Variants in ZBTB7C observed in about 807,000 individuals in gnomAD.
ZBTB7C encodes zinc finger and BTB domain-containing protein 7C.
Under a neutral mutation model 25.7 loss-of-function variants are expected in ZBTB7C, and 8 were observed. The ratio of observed to expected loss-of-function variants is 0.31; its 90% CI spans 0.18 to 0.56. The LOEUF (loss-of-function observed/expected upper bound fraction) is 0.56, where lower values mean the gene tolerates loss of function less well. Among genes scored for constraint, ZBTB7C ranks in the 20% least tolerant of loss-of-function variants. ZBTB7C has a pLI of 0.91. For synonymous variants in ZBTB7C, 394 were observed against 369.0 expected (o/e 1.07, Z -0.78); for missense variants, 824 against 855.2 (o/e 0.96, Z 0.46).
intron 2 of ZBTB7C, among the ~76,000 whole-genome samples, chr18:48,319,777 T>C (rs1370786710): frequency 6.6e-6 from 1 of 152,024 alleles, no homozygotes; most frequent in Non-Finnish European, 1.5e-5. Context: ...ATTACATTAA[T>C]AAAAACAACC....
intron 2 of ZBTB7C, among the ~76,000 whole-genome samples, chr18:48,239,858 C>T (rs1308799718): frequency 6.6e-6 from 1 of 151,982 alleles, no homozygotes; most frequent in African/African-American, 2.4e-5. Context: ...GGATCCAAAC[C>T]AAGAAGAAAT....
At chr18:48,223,489 G>T (rs1021977750) in intron 2 of ZBTB7C, among the ~76,000 whole-genome samples, 2 of 152,182 alleles carry the variant, frequency 1.3e-5, no homozygotes, top group Non-Finnish European at 2.9e-5. Flanking sequence ...GGTTGCAAAG[G>T]GGGAAGCTTA....
At chr18:48,279,966 G>A (rs1267446804) in intron 2 of ZBTB7C, among the ~76,000 whole-genome samples, 1 of 152,192 alleles carries the variant, frequency 6.6e-6, no homozygotes, top group Non-Finnish European at 1.5e-5. Context: ...AAATAGGTAG[G>A]ATGCAAAAGA....
rs542406786 is a variant in ZBTB7C at position 48,053,251 on chromosome 18, G to A, written c.-16-12128C>T. ...AATGGGCATGGAGTTGGGAGCGGCC[G>A]CTTCTGCAGAATGTGCACAGATTCA... On this transcript the variant is annotated intron_variant, in intron 3 of 4. Transcript: ENST00000590800. Among the ~76,000 whole-genome samples, 5 of 152,270 alleles carry A rather than the reference G, an allele frequency of 3.3e-5. No homozygotes were observed. In the South Asian group the frequency reaches 1.0e-3, roughly 32 times the overall value.
chr18:48,045,178 G>A (rs2036419377), intron 3 of ZBTB7C, among the ~76,000 whole-genome samples: 1 of 152,256 alleles, frequency 6.6e-6, no homozygotes, highest in African/African-American at 2.4e-5. Context: ...GCAGGCAAGG[G>A]CCGGCAGGGC....
At chr18:48,165,010 A>G in intron 3 of ZBTB7C, 1 of 1,188,566 alleles carries the variant, frequency 8.4e-7, no homozygotes, top group South Asian at 1.6e-5. Flanking sequence ...TTCTTAGGAA[A>G]TCTTAAGCCA....
At chr18:48,200,406 T>G (rs1458348286) in intron 2 of ZBTB7C, among the ~76,000 whole-genome samples, 1 of 151,826 alleles carries the variant, frequency 6.6e-6, no homozygotes, top group Non-Finnish European at 1.5e-5. Flanking sequence ...GGAGGGCAAA[T>G]CTAACCCCTA....
intron 3 of ZBTB7C, among the ~76,000 whole-genome samples, chr18:48,118,249 G>A (rs888895852): frequency 5.3e-5 from 8 of 151,816 alleles, no homozygotes; most frequent in South Asian, 2.1e-4. Flanking sequence ...CAAGTGATCC[G>A]CCTGCCTCAG....
chr18:48,037,493 G>A (rs2036024744), intron 4 of ZBTB7C, among the ~76,000 whole-genome samples: 1 of 152,260 alleles, frequency 6.6e-6, no homozygotes, highest in Non-Finnish European at 1.5e-5. Flanking sequence ...TCCAGAGGGT[G>A]AGAAGTCTGT....
chr18:48,296,591 G>C (rs934964958), intron 2 of ZBTB7C, among the ~76,000 whole-genome samples: 2 of 152,200 alleles, frequency 1.3e-5, no homozygotes, highest in Non-Finnish European at 2.9e-5. Context: ...AGGCCACATA[G>C]TGAAAAGAAG....
intron 2 of ZBTB7C, among the ~76,000 whole-genome samples, chr18:48,271,996 T>C (rs949554953): frequency 1.3e-5 from 2 of 152,320 alleles, no homozygotes; most frequent in East Asian, 1.9e-4. Context: ...AGTGTAATAA[T>C]TGGAAACAAA....
chr18:48,319,003 G>T (rs1453584715), intron 2 of ZBTB7C, among the ~76,000 whole-genome samples: 2 of 152,220 alleles, frequency 1.3e-5, no homozygotes, highest in Non-Finnish European at 2.9e-5. Context: ...TGGACAGAGG[G>T]CTATGGGAGA....
chr18:48,219,651 G>A (rs2042905121), intron 2 of ZBTB7C, among the ~76,000 whole-genome samples: 1 of 152,222 alleles, frequency 6.6e-6, no homozygotes, highest in Admixed American at 6.5e-5. Context: ...AAGGGGTAAT[G>A]CCTTCATTTG....
chr18:48,121,079 C>T (rs1403544984), intron 3 of ZBTB7C, among the ~76,000 whole-genome samples: 5 of 152,224 alleles, frequency 3.3e-5, no homozygotes, highest in Non-Finnish European at 7.3e-5. Flanking sequence ...CCTACTCCTG[C>T]GCTCCCTGCA....
chr18:48,196,480 T>A (rs1182308219), intron 2 of ZBTB7C, among the ~76,000 whole-genome samples: 1 of 152,166 alleles, frequency 6.6e-6, no homozygotes, highest in Non-Finnish European at 1.5e-5. Flanking sequence ...AGTAGGTTGC[T>A]TGGGGAAGGA....
chr18:48,112,736 C>T (rs1381890362), intron 3 of ZBTB7C, among the ~76,000 whole-genome samples: 2 of 152,108 alleles, frequency 1.3e-5, no homozygotes, highest in African/African-American at 4.8e-5. Flanking sequence ...AGTATATGTG[C>T]GGTAAATCCA....
chr18:48,261,717 T>C (rs1442094979), intron 2 of ZBTB7C, among the ~76,000 whole-genome samples: 1 of 152,186 alleles, frequency 6.6e-6, no homozygotes, highest in African/African-American at 2.4e-5. Context: ...TCACTGTCGC[T>C]GCTTCTTACG....
intron 4 of ZBTB7C, among the ~76,000 whole-genome samples, chr18:48,034,273 C>T (rs1480275274): frequency 6.6e-6 from 1 of 152,122 alleles, no homozygotes; most frequent in Non-Finnish European, 1.5e-5. Context: ...CCTGCCTGCC[C>T]CCCATGGTAC....
chr18:48,211,975 T>C (rs905708565), intron 2 of ZBTB7C, among the ~76,000 whole-genome samples: 26 of 152,144 alleles, frequency 1.7e-4, no homozygotes, highest in Admixed American at 1.7e-3. Context: ...AAATAAACCA[T>C]GGTACATAGA....
Sources: allele counts gnomAD v4.1 joint callset (sites outside exome capture counted in the v4.1 genomes callset), GRCh38; gene constraint gnomAD v4.1.1; transcripts MANE v1.5; gene names NCBI Gene and HGNC (gene_info 2026-07-23, HGNC 2026-07-21).